Variants in ANKRD44 observed in about 807,000 individuals in gnomAD.
The protein encoded by ANKRD44 is ankyrin repeat domain 44, also known as serine/threonine-protein phosphatase 6 regulatory ankyrin repeat subunit B.
Under a neutral mutation model 116.0 loss-of-function variants are expected in ANKRD44, and 35 were observed. The observed-to-expected ratio is 0.30, with a 90% CI of 0.23 to 0.40. ANKRD44 has a LOEUF of 0.40. ANKRD44 is among the 10% of genes least tolerant of loss of function. The pLI, the probability that ANKRD44 is intolerant of heterozygous loss-of-function variation, is 1.00. For missense variants in ANKRD44, 1,014 were observed against 1,242.6 expected (o/e 0.82, Z 2.77); for synonymous variants, 435 against 461.8 (o/e 0.94, Z 0.74).
chr2:196,980,888 G>A (rs995293642), intron 21 of ANKRD44, among the ~76,000 whole-genome samples: 1 of 152,166 alleles, frequency 6.6e-6, no homozygotes, highest in Admixed American at 6.5e-5. Context: ...TAAAATACCT[G>A]AATAATAGAT....
At chr2:197,063,120 C>A (rs1402752088) in intron 16 of ANKRD44, among the ~76,000 whole-genome samples, 1 of 152,210 alleles carries the variant, frequency 6.6e-6, no homozygotes, top group Admixed American at 6.5e-5. Context: ...TGAGACGAAG[C>A]TTCCAGAGGA....
chr2:196,985,408 A>C (rs1453313978), downstream of ANKRD44, among the ~76,000 whole-genome samples: 1 of 152,222 alleles, frequency 6.6e-6, no homozygotes, highest in Non-Finnish European at 1.5e-5. Context: ...AAACAACAGG[A>C]AGCACTCACT....
chr2:196,999,487 A>T (rs1230296965), intron 23 of ANKRD44, among the ~76,000 whole-genome samples: 1 of 152,168 alleles, frequency 6.6e-6, no homozygotes. Context: ...CAAAATTTAA[A>T]AATATCAACC....
At chr2:197,293,036 G>GA (rs2083615589) in intron 1 of ANKRD44, among the ~76,000 whole-genome samples, 2 of 152,024 alleles carry the variant, frequency 1.3e-5, no homozygotes, top group Admixed American at 6.6e-5. Context: ...ACACCAAGAA[G>GA]AAAAAATCCA....
rs2078245203 is a variant in ANKRD44 at position 197,099,744 on chromosome 2, T to C, written c.1100+72A>G. Reference sequence around the variant, plus strand: ...ACCTGGATAAATGGGAACTATCTACTGCACGGAAGAATCTTTTTGGCAGTA... The same window carrying C: ...ACCTGGATAAATGGGAACTATCTACCGCACGGAAGAATCTTTTTGGCAGTA... On this transcript the variant is annotated intron_variant, in intron 10 of 27. Coordinates refer to ENST00000282272, the MANE Select transcript of ANKRD44 (RefSeq NM_001195144.2). The C allele has an allele frequency of 6.9e-6, 11 of 1,586,990 alleles. No homozygotes were observed. The South Asian group carries it at 1.3e-4, about 18-fold the overall frequency.
intron 1 of ANKRD44, among the ~76,000 whole-genome samples, chr2:197,277,917 A>G (rs1266021782): frequency 6.6e-6 from 1 of 152,202 alleles, no homozygotes; most frequent in Non-Finnish European, 1.5e-5. Flanking sequence ...GACGCTAATG[A>G]GCCACAAATC....
chr2:197,088,052 T>A (rs1227409507), intron 12 of ANKRD44, among the ~76,000 whole-genome samples: 1 of 152,142 alleles, frequency 6.6e-6, no homozygotes, highest in Non-Finnish European at 1.5e-5. Context: ...AGAACCAACA[T>A]CTTCCCCAAA....
intron 1 of ANKRD44, among the ~76,000 whole-genome samples, chr2:197,276,415 T>C (rs2083086316): frequency 6.6e-6 from 1 of 152,050 alleles, no homozygotes; most frequent in African/African-American, 2.4e-5. Flanking sequence ...TATTGCTCTA[T>C]ATTTATAGTT....
chr2:196,993,537 A>G, intron 27 of ANKRD44, 46 bp downstream of exon 27: 1 of 1,451,550 alleles, frequency 6.9e-7, no homozygotes. Context: ...GGCTTCAACT[A>G]GCTTATGGAA....
chr2:196,989,679 A>T (rs1424644817), intron 27 of ANKRD44, 30 bp from the exon 28 acceptor site: 1 of 1,549,530 alleles, frequency 6.5e-7, no homozygotes, highest in Admixed American at 2.0e-5. Flanking sequence ...CACAGTATTC[A>T]CTATGTTGAT....
intron 17 of ANKRD44, among the ~76,000 whole-genome samples, chr2:197,018,088 C>A (rs188901893): frequency 5.3e-5 from 8 of 152,342 alleles, no homozygotes; most frequent in African/African-American, 1.9e-4. Flanking sequence ...AATCTGTCTT[C>A]TTCTCACCGC....
chr2:197,240,191 A>G (rs901020989), intron 1 of ANKRD44, among the ~76,000 whole-genome samples: 3 of 152,056 alleles, frequency 2.0e-5, no homozygotes, highest in African/African-American at 7.2e-5. Flanking sequence ...CCTAGCCAAC[A>G]CGGTGAAACC....
chr2:197,213,043 A>G (rs2081359487), intron 1 of ANKRD44, among the ~76,000 whole-genome samples: 1 of 152,208 alleles, frequency 6.6e-6, no homozygotes, highest in African/African-American at 2.4e-5. Context: ...TCTGCAGGCC[A>G]AAGTGGCTGT....
chr2:197,117,768 T>G (rs543810527), intron 8 of ANKRD44, among the ~76,000 whole-genome samples: 89 of 152,338 alleles, frequency 5.8e-4, no homozygotes, highest in Middle Eastern at 3.4e-3. Context: ...CTCCCTTCAG[T>G]CCCGTTCCCC....
At chr2:197,180,749 G>C (rs1011150889) in intron 2 of ANKRD44, among the ~76,000 whole-genome samples, 2 of 152,116 alleles carry the variant, frequency 1.3e-5, no homozygotes, top group Non-Finnish European at 2.9e-5. Flanking sequence ...GAAAAACTTA[G>C]AGAAAAACTT....
intron 1 of ANKRD44, among the ~76,000 whole-genome samples, chr2:197,261,872 A>C (rs904241959): frequency 3.3e-5 from 5 of 152,240 alleles, no homozygotes; most frequent in African/African-American, 4.8e-5. Context: ...ACAGCCTGCA[A>C]GTCTAGTTCA....
At chr2:197,110,994 T>A in intron 8 of ANKRD44, 150 bp from the exon 9 acceptor site, 1 of 606,354 alleles carries the variant, frequency 1.6e-6, no homozygotes, top group Non-Finnish European at 3.0e-6. Context: ...GAGGCTGCAG[T>A]GAGCTAGGAT....
At chr2:197,267,125 G>C (rs1222781588) in intron 1 of ANKRD44, among the ~76,000 whole-genome samples, 1 of 152,130 alleles carries the variant, frequency 6.6e-6, no homozygotes, top group Non-Finnish European at 1.5e-5. Context: ...TTTTATTCTA[G>C]CTATTTTAGG....
intron 2 of ANKRD44, among the ~76,000 whole-genome samples, chr2:197,150,217 G>T (rs1469371091): frequency 1.3e-5 from 2 of 152,056 alleles, no homozygotes; most frequent in South Asian, 4.2e-4. Flanking sequence ...CAAAGAATTA[G>T]GTGTCCTGGC....
Sources: gnomAD v4.1 joint callset for allele counts (sites outside exome capture counted in the v4.1 genomes callset) on GRCh38, gnomAD v4.1.1 for gene constraint, MANE v1.5 for transcripts, NCBI Gene and HGNC (gene_info 2026-07-23, HGNC 2026-07-21) for gene names.